The following OCRL variants were observed in gnomAD, a reference collection of about 807,000 sequenced individuals.
OCRL encodes the protein inositol polyphosphate 5-phosphatase OCRL.
A neutral mutation model predicts 78.9 loss-of-function variants in OCRL; 8 were observed. The observed-to-expected ratio is 0.10, with a 90% CI of 0.06 to 0.18. The LOEUF is 0.18. Ranked by LOEUF, OCRL falls within the 10% of genes least tolerant of loss-of-function variation. The pLI is 1.00. For synonymous variants in OCRL, 240 were observed against 235.4 expected, an observed-to-expected ratio of 1.02 and a Z score of -0.18; for missense variants, 454 against 696.7, an observed-to-expected ratio of 0.65 and a Z score of 3.92.
At chrX:129,584,278 A>C in intron 18 of OCRL, 66 bp from the exon 19 acceptor site, 7 of 1,039,746 alleles carry the variant, frequency 6.7e-6, no homozygotes, top group Non-Finnish European at 9.5e-6. Flanking sequence ...TCTGTTTCTA[A>C]TTCTGTAAAT....
rs1376122843 is a variant in OCRL at position 129,576,035 on chromosome X, G to A, written c.1852G>A (p.Glu618Lys). The A allele has an allele frequency of 3.3e-6, 4 of 1,211,769 alleles. No individual in the cohort carries two copies. In the Admixed American group the frequency reaches 8.7e-5, roughly 26 times the overall value. ...SQYCKPWLRAEPFEGYLEPNE... is the reference protein window; with the variant it reads ...SQYCKPWLRAKPFEGYLEPNE... ...GTACTGCAAGCCATGGCTTCGGGCTGAACCTTTTGAGGGCTACTTGGAGCC... is the reference window on the plus strand; with the variant it reads ...GTACTGCAAGCCATGGCTTCGGGCTAAACCTTTTGAGGGCTACTTGGAGCC... The change falls in exon 17 of 24, where the codon GAA becomes AAA. Residue 618 changes from glutamate to lysine, a missense_variant. Coordinates refer to ENST00000371113, the MANE Select transcript of OCRL (RefSeq NM_000276.4).
chrX:129,555,344 G>A (rs982316149), intron 4 of OCRL, among the ~76,000 whole-genome samples: 1 of 110,661 alleles, frequency 9.0e-6, no homozygotes, highest in Non-Finnish European at 1.9e-5. Context: ...ACATGGTGGC[G>A]GGCACCTGTA....
Position 129,562,494 on chromosome X carries a change from G to A in OCRL, c.1050G>A (p.Gly350=). The part of the protein sequence containing the change: ...ATETVGTGIM[G]KMGNKGGVAV... Reference sequence around the variant, plus strand: ...AAACAGTTGGAACTGGAATCATGGGGAAAATGGTGAGTTACTTTGGAAATG... The same window carrying A: ...AAACAGTTGGAACTGGAATCATGGGAAAAATGGTGAGTTACTTTGGAAATG... The change falls in exon 11 of 24, where the codon GGG becomes GGA. Residue 350 remains glycine (G), a synonymous_variant. Coordinates refer to ENST00000371113, the MANE Select transcript of OCRL (RefSeq NM_000276.4). 8.3e-7 allele frequency: 1 copy of A among 1,198,005 alleles called. No individual in the cohort carries two copies. The highest frequency in any genetic ancestry group is 1.1e-6 in the Non-Finnish European group (1 of 882,934).
rs1220781049 is a variant in OCRL at position 129,562,236 on chromosome X, T to C, written c.940-148T>C. 7.5e-6 allele frequency: 4 copies of C among 535,302 alleles called. No homozygotes were observed. In the East Asian group the frequency reaches 1.0e-4, roughly 14 times the overall value. The allele number at this position is 535,302 out of a possible 1,213,427, so 44.1% of individuals were successfully genotyped here. A position where few individuals can be genotyped will look rare whatever the true frequency, so the allele number is the denominator to read the frequency against. On this transcript the variant is annotated intron_variant, in intron 10 of 23. Transcript: ENST00000371113. ...CTCCCCAGAGAATATTAGTTTCCAC[T>C]TGACGGGGTCCACTGAGAAATTAGA...
At chrX:129,545,175 G>T in intron 3 of OCRL, 138 bp downstream of exon 3, 1 of 465,141 alleles carries the variant, frequency 2.1e-6, no homozygotes, top group Non-Finnish European at 3.8e-6. Flanking sequence ...AGATAACATT[G>T]AGGAGATGAT....
chrX:129,574,073 A>G (rs1368901920), intron 15 of OCRL, among the ~76,000 whole-genome samples: 2 of 111,530 alleles, frequency 1.8e-5, no homozygotes, highest in African/African-American at 6.5e-5. Context: ...TGCTGGGTCA[A>G]ATGGTATTTC....
intron 18 of OCRL, among the ~76,000 whole-genome samples, chrX:129,577,524 C>T (rs1287689735): frequency 9.0e-6 from 1 of 111,715 alleles, no homozygotes; most frequent in Non-Finnish European, 1.9e-5. Context: ...GTTATCCTTA[C>T]CATTAGTATT....
rs1936542338 is a variant in OCRL, at chrX:129,588,324, A to G, written c.2341+61A>G. 2.0e-4 allele frequency: 160 copies of G among 805,017 alleles called. 1 individual carries two copies. In the South Asian group the frequency reaches 3.2e-3, roughly 16 times the overall value. The allele number at this position is 805,017 out of a possible 1,213,427, so 66.3% of individuals were successfully genotyped here. A position where few individuals can be genotyped will look rare whatever the true frequency, so the allele number is the denominator to read the frequency against. ...AGTACTTGATCAAACTCTTCTTCGC[A>G]CCTATATTTGATTTTTGTGGTTCTA... is the stretch of plus-strand genomic sequence containing the variant. On this transcript the variant is annotated intron_variant, in intron 21 of 23. Transcript: ENST00000371113.
chrX:129,552,799 A>C (rs917119663), intron 4 of OCRL, among the ~76,000 whole-genome samples: 5 of 112,615 alleles, frequency 4.4e-5, no homozygotes, highest in Non-Finnish European at 1.9e-5. Flanking sequence ...TCTCAGAAGA[A>C]AGTCATCTGG....
At chrX:129,545,154 T>A (rs186371648) in intron 3 of OCRL, 117 bp downstream of exon 3, 59 of 485,754 alleles carry the variant, frequency 1.2e-4, no homozygotes, top group Middle Eastern at 5.6e-4. Context: ...TGTATTACTC[T>A]TTGCATAAAA....
chrX:129,559,007 T>A lies in OCRL; in HGVS notation c.722+6T>A, dbSNP rs746151234. The A allele has an allele frequency of 7.5e-6, 9 of 1,207,779 alleles. No individual in the cohort carries two copies. Among genetic ancestry groups the A allele is most frequent in the Non-Finnish European group, 9.0e-6 (8 of 892,426 alleles). On this transcript the variant is annotated splice_donor_region_variant and intron_variant, in intron 8 of 23. Transcript: ENST00000371113. ...GTCAACATTCAGACTTTCAGGTTAG[T>A]GTCTCTTTTGCTTCCTGAGTCTAAA...
chrX:129,555,967 CT>C (rs779554197), intron 4 of OCRL, among the ~76,000 whole-genome samples: 12 of 111,510 alleles, frequency 1.1e-4, no homozygotes, highest in Non-Finnish European at 1.9e-4. Context: ...CCTTCCCTCT[CT>C]TTTTTCCCCT....
intron 2 of OCRL, 142 bp downstream of exon 2, chrX:129,540,965 C>G (rs1935790433): frequency 1.9e-6 from 1 of 527,313 alleles, no homozygotes; most frequent in East Asian, 3.6e-5. Flanking sequence ...CCAGTGCTCT[C>G]TAACCTCGGG....
intron 2 of OCRL, among the ~76,000 whole-genome samples, chrX:129,541,437 A>G (rs956240052): frequency 4.5e-5 from 5 of 112,034 alleles, no homozygotes; most frequent in Non-Finnish European, 7.5e-5. Flanking sequence ...TGAAATGTGT[A>G]GAGATAGAAA....
Position 129,589,898 on chromosome X carries a change from A to G in OCRL, c.2523A>G (p.Ala841=), listed in dbSNP as rs768761304. The change falls in exon 23 of 24, where the codon GCA becomes GCG. Residue 841 remains alanine, a synonymous_variant. Coordinates refer to ENST00000371113, the MANE Select transcript of OCRL (RefSeq NM_000276.4). Reference sequence around the variant, plus strand: ...GAAATGTTTTCCGTTACTTGATGGCATTCCTTCGAGAACTCTTAAAATTCT... The same window carrying G: ...GAAATGTTTTCCGTTACTTGATGGCGTTCCTTCGAGAACTCTTAAAATTCT... The part of the protein sequence containing the change: ...CHRNVFRYLM[A]FLRELLKFSE... The G allele has an allele frequency of 8.3e-7, 1 of 1,209,260 alleles. No individual in the cohort carries two copies. Among genetic ancestry groups the G allele is most frequent in the Non-Finnish European group, 1.1e-6 (1 of 894,373 alleles).
intron 4 of OCRL, 149 bp from the exon 5 acceptor site, chrX:129,557,176 T>C (rs1190590848): frequency 3.8e-6 from 2 of 520,146 alleles, no homozygotes; most frequent in Non-Finnish European, 3.3e-6. Context: ...ATACTGACTC[T>C]CTTGATCTTG....
At chrX:129,574,342 A>G (rs1352519806) in intron 15 of OCRL, among the ~76,000 whole-genome samples, 1 of 112,562 alleles carries the variant, frequency 8.9e-6, no homozygotes, top group Non-Finnish European at 1.9e-5. Context: ...GTTTGTATGA[A>G]GTTTTAATAT....
intron 3 of OCRL, among the ~76,000 whole-genome samples, chrX:129,546,240 A>AT (rs991370317): frequency 3.6e-5 from 4 of 111,510 alleles, no homozygotes; most frequent in African/African-American, 1.3e-4. Flanking sequence ...ATCTTATACA[A>AT]TTTTTTGTCT....
At chrX:129,561,518 A>G (rs1471850793) in intron 10 of OCRL, among the ~76,000 whole-genome samples, 1 of 112,039 alleles carries the variant, frequency 8.9e-6, no homozygotes, top group Non-Finnish European at 1.9e-5. Flanking sequence ...TTAGGGGAAA[A>G]AAGAATTTTA....
Sources: gnomAD v4.1 joint callset for allele counts (sites outside exome capture counted in the v4.1 genomes callset) on GRCh38, gnomAD v4.1.1 for gene constraint, MANE v1.5 for transcripts, NCBI Gene and HGNC (gene_info 2026-07-23, HGNC 2026-07-21) for gene names.